The following GABRA5 variants were observed in gnomAD, a reference collection of about 807,000 sequenced individuals.
The protein encoded by GABRA5 is gamma-aminobutyric acid type A receptor subunit alpha5, also known as gamma-aminobutyric acid receptor subunit alpha-5.
GABRA5 carries 18 observed loss-of-function variants against 47.3 expected under a neutral mutation model. The observed-to-expected ratio is 0.38, with a 90% CI of 0.26 to 0.56. The LOEUF is 0.56. GABRA5 is among the 20% of genes least tolerant of loss of function. The pLI is 0.71. For synonymous variants in GABRA5, 237 were observed against 229.3 expected (o/e 1.03, Z -0.30); for missense variants, 365 against 599.3 (o/e 0.61, Z 4.08).
At chr15:26,894,760 A>T (rs12909367) in intron 6 of GABRA5, among the ~76,000 whole-genome samples, 128,959 of 151,768 alleles carry the variant, frequency 0.85, 55,114 homozygotes, top group Non-Finnish European at 0.9. Context: ...GATGGAACTC[A>T]GTTCTGGGAC....
At chr15:26,944,897 C>T (rs1383187762) in intron 10 of GABRA5, among the ~76,000 whole-genome samples, 2 of 152,188 alleles carry the variant, frequency 1.3e-5, no homozygotes, top group East Asian at 1.9e-4. Flanking sequence ...CTAGGAGGAA[C>T]GTGAGCCCCC....
chr15:26,924,477 A>G (rs1893912100), intron 7 of GABRA5, among the ~76,000 whole-genome samples: 1 of 152,186 alleles, frequency 6.6e-6, no homozygotes, highest in African/African-American at 2.4e-5. Context: ...ACTCCCATAA[A>G]GAGCAAGAGG....
intron 3 of GABRA5, among the ~76,000 whole-genome samples, chr15:26,869,861 G>A (rs886373532): frequency 3.3e-5 from 5 of 152,244 alleles, no homozygotes; most frequent in Admixed American, 6.5e-5. Context: ...AACCACAGGT[G>A]CCTGAAGATC....
chr15:26,904,598 A>G (rs574540143), intron 6 of GABRA5, among the ~76,000 whole-genome samples: 1 of 152,280 alleles, frequency 6.6e-6, no homozygotes, highest in Admixed American at 6.5e-5. Context: ...ATCCATGAGC[A>G]TGGAATGTTT....
chr15:26,944,388 G>A, intron 10 of GABRA5, among the ~76,000 whole-genome samples: 1 of 152,194 alleles, frequency 6.6e-6, no homozygotes, highest in East Asian at 1.9e-4. Flanking sequence ...AGTGCCAGGA[G>A]CCCCTCCCCC....
intron 10 of GABRA5, among the ~76,000 whole-genome samples, chr15:26,944,461 G>A (rs980248850): frequency 6.6e-6 from 1 of 152,184 alleles, no homozygotes; most frequent in Non-Finnish European, 1.5e-5. Flanking sequence ...GGAAGGCCTG[G>A]CAGGACCCAT....
At chr15:26,889,942 G>C (rs1892965837) in intron 6 of GABRA5, among the ~76,000 whole-genome samples, 1 of 152,134 alleles carries the variant, frequency 6.6e-6, no homozygotes, top group African/African-American at 2.4e-5. Flanking sequence ...TATAGTTTTT[G>C]AGTGGCCTCA....
intron 6 of GABRA5, among the ~76,000 whole-genome samples, chr15:26,911,371 G>GCACACACA (rs111798012): frequency 0.082 from 9,667 of 118,300 alleles, 344 homozygotes; most frequent in East Asian, 0.17. Context: ...CTTGCTGCAT[G>GCACACACA]CACACACACA....
intron 7 of GABRA5, among the ~76,000 whole-genome samples, chr15:26,926,308 A>C (rs1351573208): frequency 6.6e-6 from 1 of 152,178 alleles, no homozygotes; most frequent in Non-Finnish European, 1.5e-5. Flanking sequence ...CTGGATGCAG[A>C]AAATGTTTTG....
chr15:26,883,005 C>T lies in GABRA5; in HGVS notation c.209-161C>T. 1 of 708,460 alleles carries T rather than the reference C, an allele frequency of 1.4e-6. No homozygotes were observed. Among genetic ancestry groups the T allele is most frequent in the African/African-American group, 1.7e-5 (1 of 57,458 alleles). 43.9% of individuals were successfully genotyped at this position (708,460 alleles called of 1,614,324 possible). ...TTTCATGGTATAGCGGGGAGCAGCT[C>T]GATTTCATCTGGTAATTGTCAAGTC... On this transcript the variant is annotated intron_variant, in intron 4 of 10. Coordinates refer to ENST00000335625, the MANE Select transcript of GABRA5 (RefSeq NM_000810.4). This position sits in a 1 kb window ranked among gnomAD's most constrained non-coding sequence, Gnocchi z 4.8.
At chr15:26,876,341 G>A (rs28464385) in intron 3 of GABRA5, among the ~76,000 whole-genome samples, 71,484 of 152,010 alleles carry the variant, frequency 0.47, 16,869 homozygotes, top group African/African-American at 0.5. Context: ...TGAGACAGTC[G>A]GAGGTTAAGT....
At chr15:26,934,248 T>TAAAAAAAAAAAAAAAAAAAA (rs776194243) in intron 7 of GABRA5, among the ~76,000 whole-genome samples, 1 of 112,962 alleles carries the variant, frequency 8.9e-6, no homozygotes, top group Non-Finnish European at 1.8e-5. Flanking sequence ...AGAGAATGTT[T>TAAAAAAAAAAAAAAAAAAAA]AAAAAAAAAA....
rs139404742 is a variant in GABRA5 at position 26,912,247 on chromosome 15, T to G, written c.498-2556T>G. ...CTTACAGCTTTGTATATACTTCCTATTTCCTGACTAAAGTCTTCCTTCTTA... is the reference window on the plus strand; with the variant it reads ...CTTACAGCTTTGTATATACTTCCTAGTTCCTGACTAAAGTCTTCCTTCTTA... On this transcript the variant is annotated intron_variant, in intron 6 of 10. Coordinates refer to ENST00000335625, the MANE Select transcript of GABRA5 (RefSeq NM_000810.4). 2.4e-3 allele frequency among the ~76,000 whole-genome samples: 371 copies of G among 152,368 alleles called. 3 individuals are homozygous for G. The highest frequency in any genetic ancestry group is 8.4e-3 in the African/African-American group (350 of 41,588).
intron 9 of GABRA5, among the ~76,000 whole-genome samples, chr15:26,942,758 A>G (rs931189651): frequency 1.3e-5 from 2 of 152,170 alleles, no homozygotes; most frequent in African/African-American, 4.8e-5. Flanking sequence ...ATCAGCAATC[A>G]TCTATCTAAG....
intron 6 of GABRA5, among the ~76,000 whole-genome samples, chr15:26,913,182 C>CAA (rs34449696): frequency 5.3e-4 from 61 of 115,390 alleles, no homozygotes; most frequent in South Asian, 3.7e-3. Context: ...GACTCTGTCT[C>CAA]AAAAAAAAAA....
At chr15:26,931,162 G>A (rs1398320795) in intron 7 of GABRA5, among the ~76,000 whole-genome samples, 2 of 152,058 alleles carry the variant, frequency 1.3e-5, no homozygotes, top group Admixed American at 6.6e-5. Context: ...GCCTCCCAAA[G>A]TGCTGGGATT....
intron 8 of GABRA5, chr15:26,939,349 C>T (rs778889938): frequency 1.7e-5 from 13 of 765,120 alleles, no homozygotes; most frequent in South Asian, 4.0e-5. Flanking sequence ...AATGAAATGC[C>T]CCCGATTTCA....
Position 26,930,895 on chromosome 15 carries a change from C to CTT in GABRA5, c.581-6273_581-6272dup, listed in dbSNP as rs555799476. On this transcript the variant is annotated intron_variant, in intron 7 of 10. Coordinates refer to ENST00000335625, the MANE Select transcript of GABRA5 (RefSeq NM_000810.4). ...TCTTTTTTCTTTCTTTCTTTCTTTT[C>CTT]TTTTTTTTTTTTTTTTTTGAGACAG... Among the ~76,000 whole-genome samples the CTT allele has an allele frequency of 9.3e-3, 1,066 of 115,000 alleles. 32 individuals carry two copies. Among genetic ancestry groups the CTT allele is most frequent in the African/African-American group, 0.033 (967 of 29,308 alleles). The allele number at this position is 115,000 out of a possible 152,430, so 75.4% of individuals were successfully genotyped here. A position where few individuals can be genotyped will look rare whatever the true frequency, so the allele number is the denominator to read the frequency against.
Position 26,939,909 on chromosome 15 carries a change from AT to A in GABRA5, c.725-13del, listed in dbSNP as rs752878081. ...GACTCTAGGGGACTGATGTGCAGTC[AT>A]TTGCTTATTTGCAGGCGAATACACA... On this transcript the variant is annotated splice_polypyrimidine_tract_variant and intron_variant, in intron 8 of 10. Transcript: ENST00000335625. 1 of 1,613,734 alleles carries A rather than the reference AT, an allele frequency of 6.2e-7. No individual in the cohort carries two copies. The highest frequency in any genetic ancestry group is 1.1e-5 in the South Asian group (1 of 91,072).
Sources: allele counts gnomAD v4.1 joint callset (sites outside exome capture counted in the v4.1 genomes callset), GRCh38; gene constraint gnomAD v4.1.1; non-coding constraint Gnocchi (gnomAD v3.1); transcripts MANE v1.5; gene names NCBI Gene and HGNC (gene_info 2026-07-23, HGNC 2026-07-21).